Variants in SEZ6L observed in about 807,000 individuals in gnomAD.
The protein encoded by SEZ6L is seizure 6-like protein.
A neutral mutation model predicts 106.2 loss-of-function variants in SEZ6L; 37 were observed. That is an observed-to-expected ratio of 0.35 (90% CI 0.27 to 0.46). The LOEUF (loss-of-function observed/expected upper bound fraction) is 0.46. Among genes scored for constraint, SEZ6L ranks in the 20% least tolerant of loss-of-function variants. SEZ6L has a pLI of 1.00. For synonymous variants in SEZ6L, 541 were observed against 570.4 expected (o/e 0.95, Z 0.73); for missense variants, 1,172 against 1,332.8 (o/e 0.88, Z 1.88).
chr22:26,294,888 T>TCTTG lies in SEZ6L; in HGVS notation c.969+479_969+482dup, dbSNP rs1000977795. Reference sequence around the variant, plus strand: ...TTCTCTTTCTCTTTCTTTCTTTCTTTCTTGCTTGCTTGCTTGCTTCCTGCT... The same window carrying TCTTG: ...TTCTCTTTCTCTTTCTTTCTTTCTTTCTTGCTTGCTTGCTTGCTTGCTTCCTGCT... On this transcript the variant is annotated intron_variant, in intron 3 of 16. Transcript: ENST00000248933. Among the ~76,000 whole-genome samples the TCTTG allele has an allele frequency of 1.9e-3, 261 of 140,836 alleles. 3 individuals carry two copies. The highest frequency in any genetic ancestry group is 4.9e-3 in the African/African-American group (177 of 35,766). The allele number at this position is 140,836 out of a possible 152,430, so 92.4% of individuals were successfully genotyped here.
chr22:26,220,515 T>G (rs1381752835), intron 1 of SEZ6L, among the ~76,000 whole-genome samples: 1 of 152,186 alleles, frequency 6.6e-6, no homozygotes, highest in Non-Finnish European at 1.5e-5. Context: ...CTCCACTTAG[T>G]TGCCTGTGTG....
Position 26,332,367 on chromosome 22 carries a change from C to T in SEZ6L, c.2016-8069C>T, listed in dbSNP as rs1601525218. 2.0e-5 allele frequency among the ~76,000 whole-genome samples: 3 copies of T among 151,960 alleles called. No homozygotes were observed. In the Middle Eastern group the frequency reaches 0.01, roughly 517 times the overall value. On this transcript the variant is annotated intron_variant, in intron 9 of 16. Transcript: ENST00000248933. ...ATTTCACCATATTGGCCAAGCTGGT[C>T]TTGAACTCCTGACCTCAGGTTATTC... is the stretch of plus-strand genomic sequence containing the variant.
chr22:26,192,639 TA>T (rs774008419), intron 1 of SEZ6L, among the ~76,000 whole-genome samples: 33 of 152,370 alleles, frequency 2.2e-4, no homozygotes, highest in Non-Finnish European at 4.6e-4. Flanking sequence ...AGTTTTCTTT[TA>T]CTATTTTGGA....
intron 9 of SEZ6L, among the ~76,000 whole-genome samples, chr22:26,320,359 C>T (rs1211581261): frequency 6.6e-6 from 1 of 152,084 alleles, no homozygotes; most frequent in Non-Finnish European, 1.5e-5. Context: ...CAGAATGGGG[C>T]CAATAAGGGG....
chr22:26,292,777 C>A lies in SEZ6L; in HGVS notation c.466C>A (p.Leu156Ile), dbSNP rs1157492798. The A allele has an allele frequency of 1.2e-6, 2 of 1,613,788 alleles. No homozygotes were observed. Among genetic ancestry groups the A allele is most frequent in the Admixed American group, 1.7e-5 (1 of 59,982 alleles). The change falls in exon 2 of 17, where the codon CTC becomes ATC. Residue 156 changes from leucine (L) to isoleucine (I), a missense_variant. Physicochemically the swap from Leu to Ile is conservative, Grantham distance 5. Coordinates refer to ENST00000248933, the MANE Select transcript of SEZ6L (RefSeq NM_021115.5). ...GSQPASQGLD[L>I]LSSSTEKPGP... ...CCAGCCAGCGTCCCAGGGCCTAGATCTCCTCTCCTCCTCCACGGAGAAGCC... is the reference window on the plus strand; with the variant it reads ...CCAGCCAGCGTCCCAGGGCCTAGATATCCTCTCCTCCTCCACGGAGAAGCC...
chr22:26,231,474 G>A (rs2078796849), intron 1 of SEZ6L, among the ~76,000 whole-genome samples: 1 of 152,100 alleles, frequency 6.6e-6, no homozygotes. Context: ...CAATATGCTG[G>A]GAAGCCTATG....
At chr22:26,192,656 T>C (rs944956057) in intron 1 of SEZ6L, among the ~76,000 whole-genome samples, 1 of 152,236 alleles carries the variant, frequency 6.6e-6, no homozygotes, top group Non-Finnish European at 1.5e-5. Context: ...TTGGAGCCGA[T>C]ATATTACTTT....
chr22:26,316,388 AGCAG>A (rs2081997487), intron 9 of SEZ6L, among the ~76,000 whole-genome samples: 1 of 152,224 alleles, frequency 6.6e-6, no homozygotes, highest in African/African-American at 2.4e-5. Flanking sequence ...CTGCATGCCT[AGCAG>A]GTGAGGCAGG....
chr22:26,246,083 G>C (rs1259290712), intron 1 of SEZ6L, among the ~76,000 whole-genome samples: 3 of 152,212 alleles, frequency 2.0e-5, no homozygotes, highest in Admixed American at 1.3e-4. Context: ...TTGCTTGTGG[G>C]TGTTGAAACT....
At chr22:26,282,906 CTGAGCAA>C (rs1413242526) in intron 1 of SEZ6L, among the ~76,000 whole-genome samples, 1 of 152,010 alleles carries the variant, frequency 6.6e-6, no homozygotes, top group Non-Finnish European at 1.5e-5. Context: ...AATCTTTTGG[CTGAGCAA>C]TGAGCAATGC....
At chr22:26,252,686 C>G (rs960325930) in intron 1 of SEZ6L, among the ~76,000 whole-genome samples, 4 of 152,226 alleles carry the variant, frequency 2.6e-5, no homozygotes, top group African/African-American at 9.6e-5. Context: ...GCTTTCTGTT[C>G]CTGAGTTAAC....
chr22:26,189,885 C>G (rs1418287759), intron 1 of SEZ6L, among the ~76,000 whole-genome samples: 1 of 152,124 alleles, frequency 6.6e-6, no homozygotes, highest in African/African-American at 2.4e-5. Context: ...GTCACGAGGT[C>G]AGGAGATCGA....
intron 13 of SEZ6L, among the ~76,000 whole-genome samples, chr22:26,367,443 A>G (rs2083857054): frequency 6.6e-6 from 1 of 152,052 alleles, no homozygotes; most frequent in Non-Finnish European, 1.5e-5. Context: ...ACCTGGGCTC[A>G]AGCTATCCTC....
chr22:26,312,179 G>A lies in SEZ6L; in HGVS notation c.1876+217G>A, dbSNP rs533752844. On this transcript the variant is annotated intron_variant, in intron 8 of 16. Coordinates refer to ENST00000248933, the MANE Select transcript of SEZ6L (RefSeq NM_021115.5). ...ATTTTAGAAGGTGCACCTTCTTCCA[G>A]GCATAGGTCCCACAGTGCACAGCTT... Among the ~76,000 whole-genome samples the A allele has an allele frequency of 3.3e-5, 5 of 152,308 alleles. No individual in the cohort carries two copies. In the South Asian group the frequency reaches 1.0e-3, roughly 32 times the overall value.
chr22:26,314,703 C>T (rs1483366133), intron 9 of SEZ6L, among the ~76,000 whole-genome samples: 1 of 152,232 alleles, frequency 6.6e-6, no homozygotes, highest in Non-Finnish European at 1.5e-5. Flanking sequence ...TCCCCGCTAG[C>T]TCCCCAAGAG....
intron 1 of SEZ6L, among the ~76,000 whole-genome samples, chr22:26,266,543 C>T (rs373281926): frequency 3.3e-5 from 5 of 151,242 alleles, no homozygotes; most frequent in East Asian, 1.9e-4. Flanking sequence ...ACTGCACTCC[C>T]GCCTGGGCAA....
chr22:26,334,611 G>A (rs2082589541), intron 9 of SEZ6L, among the ~76,000 whole-genome samples: 5 of 152,158 alleles, frequency 3.3e-5, no homozygotes, highest in Admixed American at 3.3e-4. Flanking sequence ...AGGTGAGGAT[G>A]AAGTCAGGAA....
intron 16 of SEZ6L, 56 bp downstream of exon 16, chr22:26,377,831 C>A: frequency 1.6e-6 from 2 of 1,287,214 alleles, no homozygotes; most frequent in Non-Finnish European, 1.1e-6. Flanking sequence ...TCTGAATTCA[C>A]CAACAATAAG....
At chr22:26,198,084 C>A (rs903932320) in intron 1 of SEZ6L, among the ~76,000 whole-genome samples, 1 of 152,180 alleles carries the variant, frequency 6.6e-6, no homozygotes, top group Admixed American at 6.5e-5. Flanking sequence ...TTAACTCATG[C>A]AATTATCCAT....
Sources: allele counts gnomAD v4.1 joint callset (sites outside exome capture counted in the v4.1 genomes callset), GRCh38; gene constraint gnomAD v4.1.1; transcripts MANE v1.5; gene names NCBI Gene and HGNC (gene_info 2026-07-23, HGNC 2026-07-21).